Variants in ANK3 observed in about 807,000 individuals in gnomAD.
ANK3 encodes ankyrin-3.
Under a neutral mutation model 370.9 loss-of-function variants are expected in ANK3, and 57 were observed. The ratio of observed to expected loss-of-function variants is 0.15; its 90% CI spans 0.12 to 0.19. ANK3 has a LOEUF of 0.19. ANK3 is among the 10% of genes least tolerant of loss of function. The probability of loss-of-function intolerance (pLI) is 1.00; values close to 1 mark genes in which losing one functional copy is unlikely to be tolerated. For missense variants in ANK3, 4,439 were observed against 5,302.1 expected (o/e 0.84, Z 5.06); for synonymous variants, 1,929 against 1,946.3 (o/e 0.99, Z 0.23).
At chr10:60,158,677 C>CTTTTTTTTTT (rs1555028623) in intron 23 of ANK3, among the ~76,000 whole-genome samples, 1 of 49,278 alleles carries the variant, frequency 2.0e-5, no homozygotes, top group Non-Finnish European at 3.5e-5. Context: ...AGAGAAAGCA[C>CTTTTTTTTTT]TTTTTTTCTT....
chr10:60,586,459 A>G (rs2077833053), intron 2 of ANK3, among the ~76,000 whole-genome samples: 2 of 151,916 alleles, frequency 1.3e-5, no homozygotes, highest in Non-Finnish European at 2.9e-5. Context: ...TTACCCCACC[A>G]CTATATATTT....
chr10:60,681,682 A>G (rs2079197352), intron 1 of ANK3, among the ~76,000 whole-genome samples: 1 of 152,210 alleles, frequency 6.6e-6, no homozygotes, highest in Non-Finnish European at 1.5e-5. Flanking sequence ...TAAATTCCAC[A>G]AAGACAGAGA....
intron 14 of ANK3, 32 bp downstream of exon 14, chr10:60,198,308 A>C: frequency 6.2e-7 from 1 of 1,607,526 alleles, no homozygotes; most frequent in African/African-American, 1.3e-5. Context: ...ATTTGGGGGG[A>C]CAGAGCAGGA....
chr10:60,601,577 G>A (rs2078065174), intron 2 of ANK3, among the ~76,000 whole-genome samples: 1 of 151,958 alleles, frequency 6.6e-6, no homozygotes, highest in African/African-American at 2.4e-5. Context: ...TCAAAAACAA[G>A]AAAAAACTGA....
At chr10:60,038,012 T>A (rs189250696) in intron 43 of ANK3, among the ~76,000 whole-genome samples, 1 of 152,324 alleles carries the variant, frequency 6.6e-6, no homozygotes, top group Admixed American at 6.5e-5. Flanking sequence ...TGGTATCTCA[T>A]TGTGGTTTTA....
chr10:60,435,095 C>G (rs188637393), intron 2 of ANK3, among the ~76,000 whole-genome samples: 1 of 152,302 alleles, frequency 6.6e-6, no homozygotes, highest in African/African-American at 2.4e-5. Flanking sequence ...GTTACTTTAA[C>G]AGTGATCATT....
intron 1 of ANK3, among the ~76,000 whole-genome samples, chr10:60,675,931 T>C (rs1046440023): frequency 5.9e-5 from 9 of 151,374 alleles, no homozygotes; most frequent in African/African-American, 2.2e-4. Context: ...ATTGAGATAA[T>C]TGGAGAATGA....
Position 60,588,408 on chromosome 10 carries a change from C to T in ANK3, c.96+26778G>A, listed in dbSNP as rs541930513. Reference sequence around the variant, plus strand: ...ACATATTGGCCAGGCTGGTCTCGAACTCCTGACCTCATGATCTACCTGCCT... The same window carrying T: ...ACATATTGGCCAGGCTGGTCTCGAATTCCTGACCTCATGATCTACCTGCCT... On this transcript the variant is annotated intron_variant, in intron 2 of 43. Coordinates refer to the ANK3 transcript ENST00000373827. Among the ~76,000 whole-genome samples, 401 of 151,642 alleles carry T rather than the reference C, an allele frequency of 2.6e-3. 7 individuals carry two copies. The highest frequency in any genetic ancestry group is 3.8e-3 in the Non-Finnish European group (260 of 67,932).
At position 60,059,872 on chromosome 10, in the gene ANK3, T is replaced by A; in HGVS notation, c.12596-442A>T. On this transcript the variant is annotated intron_variant, in intron 40 of 43. Coordinates refer to ENST00000280772, the MANE Select transcript of ANK3 (RefSeq NM_020987.5). Reference sequence around the variant, plus strand: ...CCCTGGGAAGGCACTAGCCCATCACTCAGTCTACTAGGGGTTCTAAGGGGA... The same window carrying A: ...CCCTGGGAAGGCACTAGCCCATCACACAGTCTACTAGGGGTTCTAAGGGGA... 1.9e-6 allele frequency: 3 copies of A among 1,614,240 alleles called. No individual in the cohort carries two copies. In the South Asian group the frequency reaches 3.3e-5, roughly 18 times the overall value.
chr10:60,668,110 G>A (rs560452724), intron 1 of ANK3, among the ~76,000 whole-genome samples: 10 of 151,492 alleles, frequency 6.6e-5, no homozygotes, highest in African/African-American at 9.8e-5. Flanking sequence ...CTCCTTGACC[G>A]ATTCCAAATA....
At chr10:60,330,184 T>A (rs1258073982) in intron 1 of ANK3, among the ~76,000 whole-genome samples, 1 of 152,094 alleles carries the variant, frequency 6.6e-6, no homozygotes, top group Non-Finnish European at 1.5e-5. Flanking sequence ...ATAAAAACCC[T>A]AGAAGAAAAC....
At chr10:60,553,924 G>T (rs1263821771) in intron 2 of ANK3, among the ~76,000 whole-genome samples, 2 of 152,154 alleles carry the variant, frequency 1.3e-5, no homozygotes, top group African/African-American at 4.8e-5. Flanking sequence ...TGGTTGATTG[G>T]TTGGTTGTTT....
rs571383186 is a variant in ANK3 at position 60,420,274 on chromosome 10, T to C, written c.97-140635A>G. On this transcript the variant is annotated intron_variant, in intron 2 of 43. Transcript: ENST00000373827. The stretch of plus-strand genomic sequence containing the variant: ...CATGCAACACTATTTAAAAACAGAA[T>C]AAAGTGGCTCCCAAATCGCTTGTAC... Among the ~76,000 whole-genome samples, 13 of 152,186 alleles carry C rather than the reference T, an allele frequency of 8.5e-5. No homozygotes were observed. The South Asian group carries it at 2.7e-3, about 31-fold the overall frequency.
At chr10:60,535,703 G>C (rs1310349706) in intron 2 of ANK3, among the ~76,000 whole-genome samples, 1 of 151,876 alleles carries the variant, frequency 6.6e-6, no homozygotes, top group East Asian at 1.9e-4. Context: ...ATTGGTTCTG[G>C]GGTTGGGGGA....
intron 2 of ANK3, among the ~76,000 whole-genome samples, chr10:60,469,073 A>ATATATATATATATATACCACTTTTAG (rs2065095956): frequency 5.3e-4 from 12 of 22,432 alleles, no homozygotes; most frequent in African/African-American, 1.8e-3. Flanking sequence ...TAGTATATAT[A>ATATATATATATATATACCACTTTTAG]TATATATATA....
At chr10:60,263,323 T>C (rs762483487) in intron 6 of ANK3, among the ~76,000 whole-genome samples, 1 of 152,166 alleles carries the variant, frequency 6.6e-6, no homozygotes, top group Non-Finnish European at 1.5e-5. Flanking sequence ...CGCAACGGCC[T>C]AGTCCAAATG....
intron 26 of ANK3, among the ~76,000 whole-genome samples, chr10:60,111,579 A>T (rs1046523162): frequency 2.0e-5 from 3 of 152,220 alleles, no homozygotes; most frequent in Non-Finnish European, 4.4e-5. Context: ...TCTACAAATG[A>T]TCCTAAAACT....
At chr10:60,230,482 C>T in intron 8 of ANK3, among the ~76,000 whole-genome samples, 1 of 152,180 alleles carries the variant, frequency 6.6e-6, no homozygotes, top group East Asian at 1.9e-4. Flanking sequence ...GACAGAGATT[C>T]TCTATATACT....
intron 25 of ANK3, among the ~76,000 whole-genome samples, chr10:60,115,247 G>A (rs574942480): frequency 2.0e-5 from 3 of 152,316 alleles, no homozygotes; most frequent in Non-Finnish European, 4.4e-5. Context: ...CAGAGGTAGT[G>A]TGAGCTTTCA....
Sources: allele counts gnomAD v4.1 joint callset (sites outside exome capture counted in the v4.1 genomes callset), GRCh38; gene constraint gnomAD v4.1.1; transcripts MANE v1.5; gene names NCBI Gene and HGNC (gene_info 2026-07-23, HGNC 2026-07-21).